Variants in AFF1 observed in about 807,000 individuals in gnomAD.
The protein encoded by AFF1 is AF4/FMR2 family member 1.
In AFF1, 48 loss-of-function variants were observed where a neutral mutation model predicts 121.7. That is an observed-to-expected ratio of 0.39 (90% confidence interval 0.31 to 0.50). AFF1 has a LOEUF of 0.50. AFF1 is among the 20% of genes least tolerant of loss of function. AFF1 has a pLI of 0.76. For synonymous variants in AFF1, 613 were observed against 563.0 expected, an observed-to-expected ratio of 1.09 and a Z score of -1.26; for missense variants, 1,523 against 1,511.7, an observed-to-expected ratio of 1.01 and a Z score of -0.12.
chr4:87,066,285 C>G (rs939809004), intron 4 of AFF1, among the ~76,000 whole-genome samples: 8 of 152,092 alleles, frequency 5.3e-5, no homozygotes, highest in South Asian at 2.1e-4. Context: ...TTCTAGTGAC[C>G]GGTCATTGCC....
rs1039857630 is a variant in AFF1, at chr4:87,123,040, C to T, written c.2467-1997C>T. Among the ~76,000 whole-genome samples the T allele has an allele frequency of 3.9e-5, 6 of 151,984 alleles. No homozygotes were observed. In the East Asian group the frequency reaches 7.7e-4, roughly 20 times the overall value. Reference sequence around the variant, plus strand: ...TCCTGAGTAGCTGGGACTACAGGCACGCACCACCACACTCGACTAATTTTT... The same window carrying T: ...TCCTGAGTAGCTGGGACTACAGGCATGCACCACCACACTCGACTAATTTTT... On this transcript the variant is annotated intron_variant, in intron 12 of 20. Transcript: ENST00000395146.
chr4:86,966,053 C>CT (rs1247970254), intron 2 of AFF1, among the ~76,000 whole-genome samples: 2 of 146,048 alleles, frequency 1.4e-5, no homozygotes, highest in African/African-American at 5.1e-5. Flanking sequence ...TAGTTAGTTT[C>CT]TTTTTTCTTT....
chr4:87,043,982 C>T (rs746853774), intron 2 of AFF1, among the ~76,000 whole-genome samples: 7 of 152,120 alleles, frequency 4.6e-5, no homozygotes, highest in Non-Finnish European at 8.8e-5. Context: ...CCACAGCCAG[C>T]TAATTTTTGT....
chr4:87,007,654 T>C (rs1726302077), intron 2 of AFF1, among the ~76,000 whole-genome samples: 1 of 152,108 alleles, frequency 6.6e-6, no homozygotes, highest in Non-Finnish European at 1.5e-5. Flanking sequence ...AAGTGAAGAT[T>C]AAAGTTAGAT....
chr4:87,059,716 G>T (rs1215326250), intron 4 of AFF1, among the ~76,000 whole-genome samples: 1 of 152,136 alleles, frequency 6.6e-6, no homozygotes, highest in Non-Finnish European at 1.5e-5. Context: ...CCTGCTGCTG[G>T]TACTGCCTTG....
intron 2 of AFF1, among the ~76,000 whole-genome samples, chr4:87,024,767 A>G (rs1728362424): frequency 6.6e-6 from 1 of 151,834 alleles, no homozygotes; most frequent in East Asian, 1.9e-4. Flanking sequence ...TTATTTATTT[A>G]TTTTTTAGTA....
chr4:87,083,753 C>A (rs1390518986), intron 4 of AFF1, among the ~76,000 whole-genome samples: 2 of 152,150 alleles, frequency 1.3e-5, no homozygotes, highest in South Asian at 2.1e-4. Context: ...TTAGATTAAT[C>A]TCTCTGGTCT....
At chr4:86,977,106 T>C (rs573563939) in intron 2 of AFF1, among the ~76,000 whole-genome samples, 86 of 152,312 alleles carry the variant, frequency 5.6e-4, no homozygotes, top group African/African-American at 2.0e-3. Context: ...TTTCTGTTTT[T>C]CAAATACAGT....
At chr4:87,095,232 C>T (rs932797969) in intron 8 of AFF1, among the ~76,000 whole-genome samples, 9 of 152,172 alleles carry the variant, frequency 5.9e-5, no homozygotes, top group African/African-American at 1.7e-4. Flanking sequence ...GATTCTCATG[C>T]GTCAGCCTCC....
In AFF1 at chr4:87,060,835, C is replaced by CAAAAAAAAAA. The variant is rs749186199; in HGVS notation, c.1059+13264_1059+13273dup. ...GCCTGGCGAGAGTGAGACTCTGTCT[C>CAAAAAAAAAA]AAAAAAAAAAAAAAAAAAAAAAAAA... On this transcript the variant is annotated intron_variant, in intron 4 of 20. Coordinates refer to ENST00000395146, the MANE Select transcript of AFF1 (RefSeq NM_001166693.3). 1.1e-3 allele frequency among the ~76,000 whole-genome samples: 67 copies of CAAAAAAAAAA among 62,124 alleles called. 1 individual carries two copies. Among genetic ancestry groups the CAAAAAAAAAA allele is most frequent in the Non-Finnish European group, 1.7e-3 (52 of 31,210 alleles). 40.8% of individuals were successfully genotyped at this position (62,124 alleles called of 152,430 possible). A position where few individuals can be genotyped will look rare whatever the true frequency, so the allele number is the denominator to read the frequency against.
At chr4:86,945,961 G>A (rs980714206) in intron 1 of AFF1, among the ~76,000 whole-genome samples, 1 of 152,110 alleles carries the variant, frequency 6.6e-6, no homozygotes, top group African/African-American at 2.4e-5. Context: ...TAAACTTAAA[G>A]CATTAAACAA....
rs1729141710 is a variant in AFF1 at position 87,134,587 on chromosome 4, C to T, written c.3428C>T (p.Pro1143Leu). ...SSGVAATISTPVTIQNMTSSY... is the reference protein window; with the variant it reads ...SSGVAATISTLVTIQNMTSSY... Reference sequence around the variant, plus strand: ...GGGGTGGCTGCCACTATCAGCACCCCAGTCACCATCCAGAATATGACATCT... The same window carrying T: ...GGGGTGGCTGCCACTATCAGCACCCTAGTCACCATCCAGAATATGACATCT... Residue 1143 changes from proline (P) to leucine (L), a missense_variant, in exon 20 of 21, where the codon CCA becomes CTA. Coordinates refer to ENST00000395146, the MANE Select transcript of AFF1 (RefSeq NM_001166693.3). 6.2e-7 allele frequency: 1 copy of T among 1,614,170 alleles called. No homozygotes were observed. Among genetic ancestry groups the T allele is most frequent in the Non-Finnish European group, 8.5e-7 (1 of 1,180,032 alleles).
intron 5 of AFF1, 101 bp downstream of exon 5, chr4:87,084,265 G>A: frequency 7.7e-7 from 1 of 1,294,466 alleles, no homozygotes; most frequent in Admixed American, 1.7e-5. Context: ...TTGGCTGGGT[G>A]CGGTGGCTCA....
At chr4:87,012,593 T>C (rs1233756370) in intron 2 of AFF1, among the ~76,000 whole-genome samples, 1 of 152,212 alleles carries the variant, frequency 6.6e-6, no homozygotes, top group African/African-American at 2.4e-5. Flanking sequence ...TTCTGTCTCC[T>C]TCAGATGGTC....
intron 7 of AFF1, among the ~76,000 whole-genome samples, chr4:87,092,038 C>A (rs1724370720): frequency 6.6e-6 from 1 of 152,204 alleles, no homozygotes; most frequent in South Asian, 2.1e-4. Context: ...AATCCCAGCA[C>A]TTTGGGAGTC....
At chr4:86,949,794 C>A (rs1206869761) in intron 2 of AFF1, 3 of 1,613,784 alleles carry the variant, frequency 1.9e-6, no homozygotes, top group Non-Finnish European at 2.5e-6. Flanking sequence ...AACAGGGCCA[C>A]TGGGAGACAC....
intron 8 of AFF1, 131 bp downstream of exon 8, chr4:87,095,100 A>G (rs1724694598): frequency 3.4e-6 from 3 of 871,286 alleles, no homozygotes; most frequent in Non-Finnish European, 5.4e-6. Context: ...TAAAGGGAAG[A>G]AAGGGCCCAC....
chr4:87,008,265 A>G (rs1726373515), intron 2 of AFF1, among the ~76,000 whole-genome samples: 1 of 152,198 alleles, frequency 6.6e-6, no homozygotes, highest in Non-Finnish European at 1.5e-5. Flanking sequence ...GGGTTCTTCA[A>G]GCTGATATTT....
At chr4:87,022,546 A>G (rs1728019764) in intron 2 of AFF1, among the ~76,000 whole-genome samples, 1 of 34,852 alleles carries the variant, frequency 2.9e-5, no homozygotes, top group Non-Finnish European at 4.6e-5. Flanking sequence ...GCTTACAGAT[A>G]TATATATATA....
Sources: gnomAD v4.1 joint callset for allele counts (sites outside exome capture counted in the v4.1 genomes callset) on GRCh38, gnomAD v4.1.1 for gene constraint, MANE v1.5 for transcripts, NCBI Gene and HGNC (gene_info 2026-07-23, HGNC 2026-07-21) for gene names.